The following PEX1 variants were observed in gnomAD, a reference collection of about 807,000 sequenced individuals.
The protein encoded by PEX1 is peroxisomal ATPase PEX1.
Under a neutral mutation model 152.5 loss-of-function variants are expected in PEX1, and 97 were observed. The observed-to-expected ratio is 0.64, with a 90% CI of 0.54 to 0.75. The LOEUF (loss-of-function observed/expected upper bound fraction) is 0.75. Among genes scored for constraint, PEX1 ranks in the 30% least tolerant of loss-of-function variants. PEX1 has a pLI of 0.00. For missense variants in PEX1, 1,357 were observed against 1,516.3 expected (o/e 0.89, Z 1.74); for synonymous variants, 485 against 531.6 (o/e 0.91, Z 1.21).
At chr7:92,528,003 A>T (rs1793370165) in intron 1 of PEX1, among the ~76,000 whole-genome samples, 1 of 152,226 alleles carries the variant, frequency 6.6e-6, no homozygotes, top group Non-Finnish European at 1.5e-5. Context: ...ATAAAAACAA[A>T]CCACTTCTCA....
chr7:92,510,244 C>A (rs1377513831), intron 8 of PEX1, among the ~76,000 whole-genome samples: 1 of 151,714 alleles, frequency 6.6e-6, no homozygotes, highest in East Asian at 1.9e-4. Context: ...GGCAGAACAA[C>A]TGCTTGAACC....
chr7:92,517,754 GA>G lies in PEX1; in HGVS notation c.760del (p.Ser254ProfsTer14). The G allele has an allele frequency of 6.3e-7, 1 of 1,596,426 alleles. No homozygotes were observed. Among genetic ancestry groups the G allele is most frequent in the African/African-American group, 1.4e-5 (1 of 73,802 alleles). The stretch of plus-strand genomic sequence containing the variant: ...CTCTTGTTTCTTCTCAGATTGAAAG[GA>G]AAAAATGCTTCCTATCATAGTCCAT... Reference protein sequence around the residue: ...SLWTMIGSIFSFQSEKKQETS... With the variant: ...SLWTMIGSIFXFQSEKKQETS... On this transcript the variant is annotated frameshift_variant, in exon 5 of 24. Transcript: ENST00000248633. LOFTEE classifies it high-confidence loss of function.
chr7:92,494,543 G>A lies in PEX1; in HGVS notation c.2870C>T (p.Thr957Ile), dbSNP rs749518724. The A allele has an allele frequency of 3.7e-6, 6 of 1,613,704 alleles. No individual in the cohort carries two copies. Among genetic ancestry groups the A allele is most frequent in the Admixed American group, 1.7e-5 (1 of 59,994 alleles). Residue 957 changes from threonine (T) to isoleucine (I), a missense_variant, in exon 18 of 24, where the codon ACA becomes ATA. Physicochemically the swap from Thr to Ile is moderately conservative, Grantham distance 89. Coordinates refer to ENST00000248633, the MANE Select transcript of PEX1 (RefSeq NM_000466.3). Reference protein sequence around the residue: ...PRRGHDNTGVTDRVVNQLLTQ... With the variant: ...PRRGHDNTGVIDRVVNQLLTQ... ...CAGCAACTGGTTAACTACTCGGTCTGTAACTCCTGTATTATCATGACCCCG... is the reference window on the plus strand; with the variant it reads ...CAGCAACTGGTTAACTACTCGGTCTATAACTCCTGTATTATCATGACCCCG...
At chr7:92,496,530 T>A (rs1465342945) in intron 17 of PEX1, among the ~76,000 whole-genome samples, 183 bp downstream of exon 17, 1 of 152,172 alleles carries the variant, frequency 6.6e-6, no homozygotes, top group African/African-American at 2.4e-5. Context: ...TTTCCAAAAT[T>A]TAATATCTAA....
chr7:92,490,054 G>A, intron 21 of PEX1, 143 bp from the exon 22 acceptor site: 1 of 720,188 alleles, frequency 1.4e-6, no homozygotes, highest in Non-Finnish European at 2.4e-6. Flanking sequence ...CTGAAATTAA[G>A]CAAGCTGAAA....
intron 10 of PEX1, chr7:92,506,548 C>CAGA (rs1197118006): frequency 1.2e-5 from 7 of 575,642 alleles, no homozygotes; most frequent in Non-Finnish European, 2.2e-5. Context: ...AACACAAAAA[C>CAGA]AGAAAACTGC....
Position 92,504,858 on chromosome 7 carries a change from A to C in PEX1, c.1945T>G (p.Ser649Ala), listed in dbSNP as rs1251466114. 1.5e-5 allele frequency: 25 copies of C among 1,613,964 alleles called. No homozygotes were observed. The highest frequency in any genetic ancestry group is 2.1e-5 in the Non-Finnish European group (25 of 1,179,918). Residue 649 changes from serine to alanine, a missense_variant, in exon 12 of 24, where the codon TCA (serine) becomes GCA (alanine). Transcript: ENST00000248633. ...NIQKTLEVAF[S>A]EAVWMQPSVV... ...GATGGCTGCATCCACACTGCCTCTG[A>C]GAAAGCCACCTCTAGGGTTTTTTGT...
Position 92,504,857 on chromosome 7 carries a change from G to C in PEX1, c.1946C>G (p.Ser649Ter). The part of the protein sequence containing the change: ...NIQKTLEVAF[S>*]EAVWMQPSVV... ...AGATGGCTGCATCCACACTGCCTCT[G>C]AGAAAGCCACCTCTAGGGTTTTTTG... is the stretch of plus-strand genomic sequence containing the variant. The change falls in exon 12 of 24, where the codon TCA becomes TGA. Residue 649 changes from serine (S) to a stop codon, truncating the protein, a stop_gained. Transcript: ENST00000248633. LOFTEE classifies it high-confidence loss of function. The C allele has an allele frequency of 6.2e-7, 1 of 1,613,930 alleles. No homozygotes were observed. The highest frequency in any genetic ancestry group is 1.1e-5 in the South Asian group (1 of 91,072).
Position 92,501,647 on chromosome 7 carries a change from G to C in PEX1, c.2443C>G (p.Gln815Glu). Residue 815 changes from glutamine (Q) to glutamate (E), a missense_variant, in exon 15 of 24, where the codon CAA (glutamine) becomes GAA (glutamate). Transcript: ENST00000248633. ...GGAAGAAATCCGCGGAGAGCCTTTTGGAAGTCCAATGTTGTTAAAACTAAT... is the reference window on the plus strand; with the variant it reads ...GGAAGAAATCCGCGGAGAGCCTTTTCGAAGTCCAATGTTGTTAAAACTAAT... ...EKLVLTTLDF[Q>E]KALRGFLPAS... is the part of the protein sequence containing the mutation. The C allele has an allele frequency of 1.2e-6, 2 of 1,613,680 alleles. No homozygotes were observed. The highest frequency in any genetic ancestry group is 1.7e-6 in the Non-Finnish European group (2 of 1,179,708).
rs764437476 is a variant in PEX1, at chr7:92,501,618, C to G, written c.2472G>C (p.Ala824=). ...FQKALRGFLP[A]SLRSVNLHKP... is the part of the protein sequence containing the mutation. ...TATGCAGGTTGACACTTCGCAAAGA[C>G]GCAGGAAGAAATCCGCGGAGAGCCT... is the stretch of plus-strand genomic sequence containing the variant. Residue 824 remains alanine, a synonymous_variant, in exon 15 of 24, where the codon GCG becomes GCC. Coordinates refer to ENST00000248633, the MANE Select transcript of PEX1 (RefSeq NM_000466.3). 3 of 1,613,874 alleles carry G rather than the reference C, an allele frequency of 1.9e-6. No homozygotes were observed. Among genetic ancestry groups the G allele is most frequent in the Non-Finnish European group, 2.5e-6 (3 of 1,179,844 alleles).
chr7:92,503,630 A>G (rs34418960), intron 12 of PEX1, among the ~76,000 whole-genome samples: 4,857 of 152,244 alleles, frequency 0.032, 107 homozygotes, highest in Non-Finnish European at 0.042. Flanking sequence ...AAGGTTTCAT[A>G]TGAGAAGGTC....
intron 1 of PEX1, among the ~76,000 whole-genome samples, chr7:92,527,747 G>A (rs1793351158): frequency 6.6e-6 from 1 of 152,242 alleles, no homozygotes; most frequent in Admixed American, 6.5e-5. Context: ...AAGGGCGACT[G>A]ATCGCAGAGC....
Position 92,520,426 on chromosome 7 carries a change from A to G in PEX1, c.274-1348T>C, listed in dbSNP as rs964371201. On this transcript the variant is annotated intron_variant, in intron 2 of 23. Transcript: ENST00000248633. ...GAGTAGCCTATTCTCATCAAAAAAC[A>G]TGCATAAACAAGATTAGTCTGTGCT... Among the ~76,000 whole-genome samples the G allele has an allele frequency of 5.9e-5, 9 of 152,232 alleles. No homozygotes were observed. In the East Asian group the frequency reaches 1.5e-3, roughly 26 times the overall value.
chr7:92,515,682 G>C (rs1792704600), intron 5 of PEX1, among the ~76,000 whole-genome samples: 1 of 152,164 alleles, frequency 6.6e-6, no homozygotes, highest in Non-Finnish European at 1.5e-5. Flanking sequence ...TGAACGGACA[G>C]TTTAAAGCTA....
chr7:92,501,797 C>A lies in PEX1; in HGVS notation c.2416+93G>T. 11 of 1,368,918 alleles carry A rather than the reference C, an allele frequency of 8.0e-6. No individual in the cohort carries two copies. The Middle Eastern group carries it at 9.1e-4, about 113-fold the overall frequency. The allele number at this position is 1,368,918 out of a possible 1,614,324, so 84.8% of individuals were successfully genotyped here. A position where few individuals can be genotyped will look rare whatever the true frequency, so the allele number is the denominator to read the frequency against. On this transcript the variant is annotated intron_variant, in intron 14 of 23. Coordinates refer to ENST00000248633, the MANE Select transcript of PEX1 (RefSeq NM_000466.3). ...CAAATAACTGCTTATTCAAATACTA[C>A]AATGGAATATATTTAATTCTTGTCT...
At chr7:92,509,220 T>C (rs1792338139) in intron 9 of PEX1, 109 bp downstream of exon 9, 4 of 761,062 alleles carry the variant, frequency 5.3e-6, no homozygotes, top group Non-Finnish European at 9.3e-6. Context: ...GATGCATTAT[T>C]AAGATCACTT....
At chr7:92,499,144 G>C (rs925882207) in intron 16 of PEX1, among the ~76,000 whole-genome samples, 1 of 152,214 alleles carries the variant, frequency 6.6e-6, no homozygotes, top group African/African-American at 2.4e-5. Flanking sequence ...CAGTTGGTGT[G>C]AAAGACAGTT....
rs746866348 is a variant in PEX1, at chr7:92,489,747, A to T, written c.3603T>A (p.Ser1201Arg). 5.0e-6 allele frequency: 8 copies of T among 1,614,074 alleles called. 1 individual carries two copies. In the South Asian group the frequency reaches 8.8e-5, roughly 18 times the overall value. Residue 1201 changes from serine (S) to arginine (R), a missense_variant, in exon 22 of 24, where the codon AGT (serine) becomes AGA (arginine). Coordinates refer to ENST00000248633, the MANE Select transcript of PEX1 (RefSeq NM_000466.3). Reference protein sequence around the residue: ...EQRDQLRADISIIKGRYRSQS... With the variant: ...EQRDQLRADIRIIKGRYRSQS... ...GGCTCCGGTATCTGCCTTTGATAATACTGATATCTGCCCTCAGTTGATCTC... is the reference window on the plus strand; with the variant it reads ...GGCTCCGGTATCTGCCTTTGATAATTCTGATATCTGCCCTCAGTTGATCTC...
At chr7:92,519,777 T>C (rs947063131) in intron 2 of PEX1, among the ~76,000 whole-genome samples, 1 of 152,188 alleles carries the variant, frequency 6.6e-6, no homozygotes, top group Admixed American at 6.5e-5. Context: ...TATTATAGTT[T>C]AAATATATGT....
Sources: allele counts gnomAD v4.1 joint callset (sites outside exome capture counted in the v4.1 genomes callset), GRCh38; gene constraint gnomAD v4.1.1; transcripts MANE v1.5; gene names NCBI Gene and HGNC (gene_info 2026-07-23, HGNC 2026-07-21).